The following PRKCB variants were observed in gnomAD, a reference collection of about 807,000 sequenced individuals.
PRKCB encodes the protein protein kinase C beta, also known as protein kinase C beta type.
A neutral mutation model predicts 81.5 loss-of-function variants in PRKCB; 13 were observed. The ratio of observed to expected loss-of-function variants is 0.16; its 90% CI spans 0.10 to 0.25. The LOEUF is 0.25. Among genes scored for constraint, PRKCB ranks in the 10% least tolerant of loss-of-function variants. PRKCB has a pLI of 1.00. For synonymous variants in PRKCB, 335 were observed against 321.4 expected, an observed-to-expected ratio of 1.04 and a Z score of -0.45; for missense variants, 509 against 875.7, an observed-to-expected ratio of 0.58 and a Z score of 5.29.
At chr16:24,165,749 A>T (rs1048059691) in intron 10 of PRKCB, among the ~76,000 whole-genome samples, 2 of 152,212 alleles carry the variant, frequency 1.3e-5, no homozygotes, top group African/African-American at 4.8e-5. Context: ...TGACTTTAGT[A>T]TGAAATTTAA....
chr16:23,994,839 T>C (rs1019313841), intron 3 of PRKCB, among the ~76,000 whole-genome samples: 4 of 152,214 alleles, frequency 2.6e-5, no homozygotes, highest in Non-Finnish European at 4.4e-5. Context: ...ACCTTCACTG[T>C]CCTACTTCAG....
At chr16:23,994,237 G>A (rs1009527730) in intron 3 of PRKCB, among the ~76,000 whole-genome samples, 1 of 152,152 alleles carries the variant, frequency 6.6e-6, no homozygotes. Flanking sequence ...TCAGAATAGG[G>A]GCTTATGGTG....
chr16:24,124,995 A>C (rs891607800), intron 9 of PRKCB, among the ~76,000 whole-genome samples: 13 of 152,208 alleles, frequency 8.5e-5, no homozygotes, highest in African/African-American at 3.1e-4. Flanking sequence ...ATAACTGCAG[A>C]AACTCCTCAG....
intron 2 of PRKCB, among the ~76,000 whole-genome samples, chr16:23,966,034 G>A (rs1273014772): frequency 2.0e-5 from 3 of 152,220 alleles, no homozygotes; most frequent in Non-Finnish European, 4.4e-5. Context: ...AACCAAGAGG[G>A]CCATGGGGTA....
At chr16:23,894,914 T>G (rs1963353167) in intron 2 of PRKCB, among the ~76,000 whole-genome samples, 2 of 152,356 alleles carry the variant, frequency 1.3e-5, no homozygotes, top group East Asian at 1.9e-4. Flanking sequence ...TTTGCTATTT[T>G]CATCAAAACA....
At chr16:23,911,865 C>A (rs1858869) in intron 2 of PRKCB, among the ~76,000 whole-genome samples, 84,062 of 135,682 alleles carry the variant, frequency 0.62, 25,838 homozygotes, top group Admixed American at 0.67. Flanking sequence ...TGGAGTCTCA[C>A]TGTTTGCCCG....
At position 23,845,550 on chromosome 16, in the gene PRKCB, G is replaced by A. The variant is rs1022568823; in HGVS notation, c.205+8144G>A. On this transcript the variant is annotated intron_variant, in intron 2 of 16. Transcript: ENST00000643927. ...AATCACAGCACTCCGGAAGGCCAAGGCAAGAGGATTGCTTGAGGCCAGGAG... is the reference window on the plus strand; with the variant it reads ...AATCACAGCACTCCGGAAGGCCAAGACAAGAGGATTGCTTGAGGCCAGGAG... Among the ~76,000 whole-genome samples the A allele has an allele frequency of 2.2e-4, 33 of 152,156 alleles. 1 individual carries two copies. The highest frequency in any genetic ancestry group is 2.0e-4 in the Admixed American group (3 of 15,280).
At chr16:24,101,717 C>G (rs1480851307) in intron 7 of PRKCB, among the ~76,000 whole-genome samples, 1 of 152,210 alleles carries the variant, frequency 6.6e-6, no homozygotes, top group African/African-American at 2.4e-5. Context: ...TCATATTTCT[C>G]TTACTGTCAT....
intron 16 of PRKCB, among the ~76,000 whole-genome samples, chr16:24,213,127 C>T (rs1273605675): frequency 6.6e-6 from 1 of 151,956 alleles, no homozygotes; most frequent in Non-Finnish European, 1.5e-5. Flanking sequence ...CTCCGCCTCC[C>T]GGGTTCAAGC....
intron 13 of PRKCB, among the ~76,000 whole-genome samples, chr16:24,183,892 T>C (rs1476992175): frequency 6.6e-6 from 1 of 152,206 alleles, no homozygotes; most frequent in African/African-American, 2.4e-5. Context: ...TCTTCTAGAC[T>C]TTTCCATGTT....
chr16:24,049,822 T>A (rs1003161405), intron 5 of PRKCB, among the ~76,000 whole-genome samples: 1 of 152,224 alleles, frequency 6.6e-6, no homozygotes, highest in South Asian at 2.1e-4. Flanking sequence ...CTTCCCACCT[T>A]AGCATTGTGG....
At chr16:24,212,912 A>C (rs991267973) in intron 16 of PRKCB, among the ~76,000 whole-genome samples, 6 of 152,004 alleles carry the variant, frequency 3.9e-5, no homozygotes, top group Admixed American at 1.3e-4. Flanking sequence ...TCTGTCATTC[A>C]AACCAGAGAC....
intron 2 of PRKCB, among the ~76,000 whole-genome samples, chr16:23,910,430 C>T (rs183533477): frequency 1.7e-4 from 26 of 152,248 alleles, no homozygotes; most frequent in African/African-American, 6.0e-4. Flanking sequence ...TCCTTCTGAT[C>T]GGGCTGAGGA....
intron 3 of PRKCB, among the ~76,000 whole-genome samples, chr16:24,029,075 G>T (rs964255486): frequency 6.6e-6 from 1 of 152,216 alleles, no homozygotes; most frequent in African/African-American, 2.4e-5. Context: ...ACAGGCGTGA[G>T]CCACTGTGCC....
At chr16:24,002,300 T>A (rs953660193) in intron 3 of PRKCB, among the ~76,000 whole-genome samples, 1 of 143,090 alleles carries the variant, frequency 7.0e-6, no homozygotes, top group Non-Finnish European at 1.5e-5. Flanking sequence ...AAAGCACAGG[T>A]GTGTGTGTGT....
chr16:24,105,064 T>TA lies in PRKCB; in HGVS notation c.822-7909_822-7908insA, dbSNP rs960433293. Among the ~76,000 whole-genome samples, 4 of 151,794 alleles carry TA rather than the reference T, an allele frequency of 2.6e-5. No homozygotes were observed. In the East Asian group the frequency reaches 5.8e-4, roughly 22 times the overall value. On this transcript the variant is annotated intron_variant, in intron 7 of 16. Coordinates refer to ENST00000643927, the MANE Select transcript of PRKCB (RefSeq NM_002738.7). The stretch of plus-strand genomic sequence containing the variant: ...AGCGGCACGTTGTTGGATTTTTTTT[T>TA]TTTTATTTTTGAGACAGAGTCTCAC...
At chr16:23,946,214 G>T (rs1449725993) in intron 2 of PRKCB, among the ~76,000 whole-genome samples, 2 of 152,186 alleles carry the variant, frequency 1.3e-5, no homozygotes, top group Non-Finnish European at 2.9e-5. Context: ...AGTTACATAA[G>T]CCACCTCTGA....
chr16:23,949,984 C>T (rs372512243), intron 2 of PRKCB, among the ~76,000 whole-genome samples: 1 of 152,284 alleles, frequency 6.6e-6, no homozygotes, highest in African/African-American at 2.4e-5. Context: ...TCTCCCTCAC[C>T]TGGGCCCAGA....
chr16:24,089,054 C>T (rs1179143971), intron 5 of PRKCB, among the ~76,000 whole-genome samples: 3 of 152,132 alleles, frequency 2.0e-5, no homozygotes, highest in Admixed American at 1.3e-4. Context: ...ACTCCAAGAT[C>T]CCAGCCTAGA....
Sources: allele counts gnomAD v4.1 joint callset (sites outside exome capture counted in the v4.1 genomes callset), GRCh38; gene constraint gnomAD v4.1.1; transcripts MANE v1.5; gene names NCBI Gene and HGNC (gene_info 2026-07-23, HGNC 2026-07-21).